WDR64: variants seen among roughly 807,000 people sequenced by gnomAD.
WDR64 encodes WD repeat domain 64.
WDR64 carries 112 observed loss-of-function variants against 139.3 expected under a neutral mutation model. That is an observed-to-expected ratio of 0.80 (90% confidence interval 0.69 to 0.94). The LOEUF (loss-of-function observed/expected upper bound fraction) is 0.94, where lower values mean the gene tolerates loss of function less well. WDR64 is among the 40% of genes least tolerant of loss of function. The pLI is 0.00. For missense variants in WDR64, 1,206 were observed against 1,293.1 expected (o/e 0.93, Z 1.03); for synonymous variants, 444 against 437.7 (o/e 1.01, Z -0.18).
At chr1:241,707,349 T>C (rs981492674) in intron 8 of WDR64, among the ~76,000 whole-genome samples, 2 of 152,236 alleles carry the variant, frequency 1.3e-5, no homozygotes, top group African/African-American at 4.8e-5. Context: ...TATTTCCCTT[T>C]TGGAGTACAC....
intron 1 of WDR64, among the ~76,000 whole-genome samples, chr1:241,659,338 T>C (rs891012980): frequency 1.3e-5 from 2 of 152,228 alleles, no homozygotes; most frequent in Non-Finnish European, 2.9e-5. Flanking sequence ...ATTCCATATC[T>C]TTGCTATTGG....
chr1:241,690,964 T>C (rs1252058932), intron 8 of WDR64, among the ~76,000 whole-genome samples: 1 of 152,170 alleles, frequency 6.6e-6, no homozygotes, highest in Non-Finnish European at 1.5e-5. Context: ...GTATATATGG[T>C]ATATTTGCTA....
At chr1:241,740,649 T>G (rs908694041) in intron 11 of WDR64, among the ~76,000 whole-genome samples, 9 of 143,342 alleles carry the variant, frequency 6.3e-5, no homozygotes, top group Non-Finnish European at 8.0e-5. Context: ...TGCTCTGAGA[T>G]TCTTTTTTTT....
At chr1:241,718,363 A>T (rs898869736) in intron 9 of WDR64, among the ~76,000 whole-genome samples, 2 of 152,200 alleles carry the variant, frequency 1.3e-5, no homozygotes, top group African/African-American at 4.8e-5. Flanking sequence ...GCGGAGAGTA[A>T]TAACCAAACT....
chr1:241,760,095 A>G (rs1315267315), intron 15 of WDR64, among the ~76,000 whole-genome samples: 1 of 152,200 alleles, frequency 6.6e-6, no homozygotes. Context: ...TGCATAGAAC[A>G]CATGTTGTTT....
intron 21 of WDR64, among the ~76,000 whole-genome samples, chr1:241,775,791 A>G (rs887490492): frequency 2.0e-5 from 3 of 152,172 alleles, no homozygotes; most frequent in African/African-American, 7.2e-5. Context: ...ATGTGTAAAA[A>G]GTTTTATTTT....
chr1:241,662,470 C>A (rs563925969), intron 2 of WDR64, among the ~76,000 whole-genome samples: 4 of 152,258 alleles, frequency 2.6e-5, no homozygotes, highest in African/African-American at 7.2e-5. Context: ...TGCCTGCAGC[C>A]CCCACCGTGT....
intron 9 of WDR64, among the ~76,000 whole-genome samples, chr1:241,712,602 G>T (rs536270898): frequency 2.6e-5 from 4 of 152,254 alleles, no homozygotes; most frequent in South Asian, 2.1e-4. Context: ...CGAGCTGTGT[G>T]GTGGGCAGGC....
chr1:241,786,636 T>A (rs1374779789), intron 23 of WDR64, among the ~76,000 whole-genome samples: 1 of 152,142 alleles, frequency 6.6e-6, no homozygotes, highest in African/African-American at 2.4e-5. Flanking sequence ...TTGAGGAGAA[T>A]TTGATAATAG....
At chr1:241,717,718 T>C (rs776902342) in intron 9 of WDR64, among the ~76,000 whole-genome samples, 2 of 152,222 alleles carry the variant, frequency 1.3e-5, no homozygotes, top group African/African-American at 2.4e-5. Flanking sequence ...ATCTTCAGAT[T>C]TGACATACTC....
intron 3 of WDR64, 25 bp downstream of exon 3, chr1:241,671,201 A>G: frequency 7.1e-7 from 1 of 1,408,674 alleles, no homozygotes; most frequent in Non-Finnish European, 9.8e-7. Flanking sequence ...TTCTCTTCCA[A>G]ATTAGTATGA....
chr1:241,772,328 G>GT (rs1558518910), intron 19 of WDR64, among the ~76,000 whole-genome samples: 2 of 78,682 alleles, frequency 2.5e-5, no homozygotes, highest in Admixed American at 1.1e-4. Context: ...AATTCTCTGG[G>GT]TGAAAAAAAA....
chr1:241,701,439 A>G (rs1032964270), intron 8 of WDR64, among the ~76,000 whole-genome samples: 3 of 152,196 alleles, frequency 2.0e-5, no homozygotes, highest in African/African-American at 7.2e-5. Context: ...CGTGTTCCAC[A>G]GGTTTGGTAC....
At chr1:241,775,033 C>A in intron 20 of WDR64, 72 bp from the exon 21 acceptor site, 1 of 1,199,718 alleles carries the variant, frequency 8.3e-7, no homozygotes, top group South Asian at 1.5e-5. Flanking sequence ...ATAGAAAAAT[C>A]AATTTCAATA....
At chr1:241,734,864 A>G (rs1669234888) in intron 10 of WDR64, among the ~76,000 whole-genome samples, 1 of 152,206 alleles carries the variant, frequency 6.6e-6, no homozygotes, top group Non-Finnish European at 1.5e-5. Flanking sequence ...ATGGTAAGCT[A>G]TACCAGCTAG....
intron 10 of WDR64, among the ~76,000 whole-genome samples, chr1:241,725,579 A>G (rs935287305): frequency 3.3e-5 from 5 of 152,074 alleles, no homozygotes; most frequent in South Asian, 2.1e-4. Flanking sequence ...TGCAACCACA[A>G]GGGAAAGACT....
At chr1:241,730,018 G>A (rs2148216498) in intron 10 of WDR64, among the ~76,000 whole-genome samples, 1 of 152,210 alleles carries the variant, frequency 6.6e-6, no homozygotes, top group Non-Finnish European at 1.5e-5. Context: ...ACTTTCCTGA[G>A]TGACTGTAGG....
chr1:241,747,672 C>T (rs1669813039), intron 13 of WDR64, among the ~76,000 whole-genome samples: 1 of 151,568 alleles, frequency 6.6e-6, no homozygotes, highest in Admixed American at 6.6e-5. Flanking sequence ...CCCATACTGA[C>T]ATCTAGAAAA....
At chr1:241,699,963 C>T (rs928083882) in intron 8 of WDR64, among the ~76,000 whole-genome samples, 3 of 151,692 alleles carry the variant, frequency 2.0e-5, no homozygotes, top group South Asian at 2.1e-4. Context: ...AACAGCAGAG[C>T]GGAGAATGGA....
Sources: allele counts gnomAD v4.1 joint callset (sites outside exome capture counted in the v4.1 genomes callset), GRCh38; gene constraint gnomAD v4.1.1; transcripts MANE v1.5; gene names NCBI Gene and HGNC (gene_info 2026-07-23, HGNC 2026-07-21).